The following ASTN2 variants were observed in gnomAD, a reference collection of about 807,000 sequenced individuals.
ASTN2 encodes astrotactin 2, also known as astrotactin-2.
Under a neutral mutation model 139.8 loss-of-function variants are expected in ASTN2, and 54 were observed. That is an observed-to-expected ratio of 0.39 (90% CI 0.31 to 0.48). ASTN2 has a LOEUF of 0.48. ASTN2 is among the 20% of genes least tolerant of loss of function. The pLI is 0.95. For synonymous variants in ASTN2, 756 were observed against 719.5 expected (o/e 1.05, Z -0.81); for missense variants, 1,565 against 1,725.1 (o/e 0.91, Z 1.64).
rs1037514213 is a variant in ASTN2 at position 116,892,992 on chromosome 9, C to T, written c.1890-29259G>A. On this transcript the variant is annotated intron_variant, in intron 10 of 22. Coordinates refer to ENST00000313400, the MANE Select transcript of ASTN2 (RefSeq NM_001365068.1). ...TCTATCCCATGGCCGATGGCACTTA[C>T]ACCCCTTCTCCATTCTCCGGTACTC... Among the ~76,000 whole-genome samples the T allele has an allele frequency of 4.6e-5, 7 of 152,088 alleles. No individual in the cohort carries two copies. In the East Asian group the frequency reaches 1.2e-3, roughly 25 times the overall value.
chr9:117,375,917 T>G (rs1438100747), intron 1 of ASTN2, among the ~76,000 whole-genome samples: 11 of 152,064 alleles, frequency 7.2e-5, no homozygotes, highest in Admixed American at 7.2e-4. Flanking sequence ...GGCACCTTCC[T>G]CCCACTTCAA....
chr9:116,470,865 T>C (rs1038616605), intron 20 of ASTN2, among the ~76,000 whole-genome samples: 4 of 152,186 alleles, frequency 2.6e-5, no homozygotes, highest in African/African-American at 9.7e-5. Context: ...CAATGCTTTA[T>C]GGTGGGTACT....
intron 16 of ASTN2, chr9:116,686,628 C>T: frequency 1.4e-6 from 2 of 1,460,526 alleles, no homozygotes; most frequent in Non-Finnish European, 9.4e-7. Context: ...GGCCAGATCA[C>T]CTCCCACCTG....
chr9:116,943,203 T>C (rs1379457596), intron 10 of ASTN2, among the ~76,000 whole-genome samples: 2 of 152,126 alleles, frequency 1.3e-5, no homozygotes, highest in African/African-American at 2.4e-5. Context: ...GTAAATTGTG[T>C]ATAAATGCTG....
chr9:116,497,903 T>C (rs1181076132), intron 19 of ASTN2, among the ~76,000 whole-genome samples: 1 of 152,214 alleles, frequency 6.6e-6, no homozygotes, highest in African/African-American at 2.4e-5. Flanking sequence ...GAACCAACTG[T>C]ACGATGTGCT....
chr9:116,727,463 C>T (rs551586840), intron 15 of ASTN2, among the ~76,000 whole-genome samples: 102 of 152,148 alleles, frequency 6.7e-4, no homozygotes, highest in Non-Finnish European at 1.3e-3. Flanking sequence ...AAAGCAGATG[C>T]ACCTTTGTAC....
rs562294912 is a variant in ASTN2 at position 116,966,873 on chromosome 9, A to AC, written c.1889+8334dup. Among the ~76,000 whole-genome samples the AC allele has an allele frequency of 1.6e-3, 239 of 152,248 alleles. 3 individuals are homozygous for AC. The Middle Eastern group carries it at 0.061, about 39-fold the overall frequency. On this transcript the variant is annotated intron_variant, in intron 10 of 22. Coordinates refer to ENST00000313400, the MANE Select transcript of ASTN2 (RefSeq NM_001365068.1). ...TTAATAGACCAAATGCTCAACAAAGACCAAGATATAAAGTCCAATGAACCT... is the reference window on the plus strand; with the variant it reads ...TTAATAGACCAAATGCTCAACAAAGACCCAAGATATAAAGTCCAATGAACCT...
At chr9:116,950,722 C>A (rs1588435757) in intron 10 of ASTN2, among the ~76,000 whole-genome samples, 1 of 152,090 alleles carries the variant, frequency 6.6e-6, no homozygotes, top group Non-Finnish European at 1.5e-5. Context: ...AGAATTACCT[C>A]TTTCTCACTC....
In ASTN2 at chr9:117,296,825, G is replaced by C. The variant is rs1012265364; in HGVS notation, c.443-5312C>G. Among the ~76,000 whole-genome samples the C allele has an allele frequency of 2.0e-5, 3 of 152,198 alleles. No homozygotes were observed. The East Asian group carries it at 5.8e-4, about 30-fold the overall frequency. On this transcript the variant is annotated intron_variant, in intron 1 of 22. Transcript: ENST00000313400. ...AGGGATTGCCTTTTCACCTTTTTCT[G>C]CTCTCCCCCATGGGCTGCAACTCGT... is the stretch of plus-strand genomic sequence containing the variant.
chr9:116,656,495 T>A (rs989270026), intron 16 of ASTN2, among the ~76,000 whole-genome samples: 1 of 152,002 alleles, frequency 6.6e-6, no homozygotes, highest in Non-Finnish European at 1.5e-5. Context: ...AAAAGAACAT[T>A]TTTGAAGAGA....
Position 116,820,268 on chromosome 9 carries a change from T to C in ASTN2, c.2207+349A>G, listed in dbSNP as rs1477303433. ...GAAGCCTTTGTGAACCTTCAAGACG[T>C]CTGCTTTTGTCTCCAAACTGCACTG... On this transcript the variant is annotated intron_variant, in intron 12 of 22. Transcript: ENST00000313400. Among the ~76,000 whole-genome samples the C allele has an allele frequency of 2.0e-5, 3 of 152,328 alleles. No homozygotes were observed. In the East Asian group the frequency reaches 5.8e-4, roughly 29 times the overall value.
At chr9:116,878,847 C>A (rs1030900921) in intron 10 of ASTN2, among the ~76,000 whole-genome samples, 3 of 151,438 alleles carry the variant, frequency 2.0e-5, no homozygotes, top group African/African-American at 7.3e-5. Flanking sequence ...CATAAAGTAC[C>A]CACATGGAGT....
intron 4 of ASTN2, among the ~76,000 whole-genome samples, chr9:117,096,463 G>C (rs931790075): frequency 1.2e-4 from 18 of 152,168 alleles, no homozygotes; most frequent in African/African-American, 4.1e-4. Context: ...GAAGATTAAA[G>C]GAGATGTAAT....
chr9:116,798,168 G>A (rs1830750631), intron 13 of ASTN2, among the ~76,000 whole-genome samples: 1 of 152,218 alleles, frequency 6.6e-6, no homozygotes, highest in African/African-American at 2.4e-5. Context: ...CTACTCTGGA[G>A]GCTGAGGCAG....
chr9:117,091,892 A>C (rs994690406), intron 5 of ASTN2, among the ~76,000 whole-genome samples: 1 of 152,190 alleles, frequency 6.6e-6, no homozygotes, highest in Non-Finnish European at 1.5e-5. Context: ...ATGGACTGGA[A>C]GACAGCAAGG....
chr9:116,919,725 CT>C (rs1834548127), intron 10 of ASTN2, among the ~76,000 whole-genome samples: 1 of 138,598 alleles, frequency 7.2e-6, no homozygotes, highest in Non-Finnish European at 1.5e-5. Context: ...AGGTGGATTG[CT>C]TGATCCCAGG....
At chr9:117,153,312 G>A (rs984925546) in intron 3 of ASTN2, among the ~76,000 whole-genome samples, 1 of 152,044 alleles carries the variant, frequency 6.6e-6, no homozygotes, top group South Asian at 2.1e-4. Context: ...TACAGCCTGG[G>A]TCCTTGACCC....
intron 14 of ASTN2, among the ~76,000 whole-genome samples, chr9:116,732,146 G>C (rs1828802126): frequency 6.6e-6 from 1 of 152,194 alleles, no homozygotes; most frequent in Non-Finnish European, 1.5e-5. Flanking sequence ...TAAGATAGTG[G>C]ATATGCCATC....
At chr9:117,054,520 T>A (rs571910121) in intron 5 of ASTN2, among the ~76,000 whole-genome samples, 2 of 152,270 alleles carry the variant, frequency 1.3e-5, no homozygotes, top group Non-Finnish European at 2.9e-5. Context: ...GTAGCAGAGA[T>A]CAGTGCAGAG....
Sources: allele counts gnomAD v4.1 joint callset (sites outside exome capture counted in the v4.1 genomes callset), GRCh38; gene constraint gnomAD v4.1.1; transcripts MANE v1.5; gene names NCBI Gene and HGNC (gene_info 2026-07-23, HGNC 2026-07-21).